The following TMOD1 variants were observed in gnomAD, a reference collection of about 807,000 sequenced individuals.
TMOD1 encodes the protein tropomodulin 1.
TMOD1 carries 17 observed loss-of-function variants against 40.6 expected under a neutral mutation model. That is an observed-to-expected ratio of 0.42 (90% CI 0.29 to 0.63). The LOEUF (loss-of-function observed/expected upper bound fraction) is 0.63. Among genes scored for constraint, TMOD1 ranks in the 20% least tolerant of loss-of-function variants. The pLI is 0.22. For synonymous variants in TMOD1, 181 were observed against 175.0 expected (o/e 1.03, Z -0.27); for missense variants, 391 against 447.6 (o/e 0.87, Z 1.14).
chr9:97,546,579 CT>C (rs559304082), intron 3 of TMOD1, among the ~76,000 whole-genome samples: 29 of 152,278 alleles, frequency 1.9e-4, no homozygotes, highest in African/African-American at 7.0e-4. Flanking sequence ...ATCAGCAAAA[CT>C]TTTCCCTAAA....
At chr9:97,590,620 T>TG (rs112209694) in intron 8 of TMOD1, among the ~76,000 whole-genome samples, 8 of 150,872 alleles carry the variant, frequency 5.3e-5, no homozygotes, top group Non-Finnish European at 8.8e-5. Context: ...TGGGTCTTTC[T>TG]GTTTTTTTTT....
At chr9:97,555,011 A>T (rs1830514607) in intron 4 of TMOD1, among the ~76,000 whole-genome samples, 1 of 152,056 alleles carries the variant, frequency 6.6e-6, no homozygotes, top group Admixed American at 6.5e-5. Flanking sequence ...GGAGACAGGG[A>T]ATTTGAAGGA....
intron 7 of TMOD1, among the ~76,000 whole-genome samples, chr9:97,566,708 A>G (rs1244165872): frequency 3.3e-5 from 5 of 152,172 alleles, no homozygotes; most frequent in Non-Finnish European, 7.3e-5. Flanking sequence ...TTAAAAAAAT[A>G]AAAATGATGG....
At chr9:97,578,058 T>G (rs984248870) in intron 8 of TMOD1, among the ~76,000 whole-genome samples, 2 of 152,102 alleles carry the variant, frequency 1.3e-5, no homozygotes, top group Admixed American at 6.5e-5. Flanking sequence ...GAAGCTTCTT[T>G]GACATCTCTT....
At chr9:97,549,128 C>A (rs1383342899) in intron 3 of TMOD1, among the ~76,000 whole-genome samples, 2 of 152,210 alleles carry the variant, frequency 1.3e-5, no homozygotes, top group Non-Finnish European at 2.9e-5. Flanking sequence ...AGGATGTTTT[C>A]ATTAGAATTA....
intron 8 of TMOD1, among the ~76,000 whole-genome samples, chr9:97,579,690 AGTAGCTACT>A (rs1825700484): frequency 6.6e-6 from 1 of 152,228 alleles, no homozygotes; most frequent in Non-Finnish European, 1.5e-5. Flanking sequence ...ACATGTGGCT[AGTAGCTACT>A]GTAGCTACTG....
chr9:97,580,873 A>G (rs1192637206), intron 8 of TMOD1, among the ~76,000 whole-genome samples: 1 of 151,284 alleles, frequency 6.6e-6, no homozygotes, highest in Non-Finnish European at 1.5e-5. Context: ...ATATTTTGTC[A>G]TTTAAAGAAT....
intron 8 of TMOD1, among the ~76,000 whole-genome samples, chr9:97,575,057 C>T (rs894197726): frequency 1.3e-5 from 2 of 152,236 alleles, no homozygotes; most frequent in African/African-American, 4.8e-5. Context: ...CGCTCGGGTC[C>T]ACTTCCGCAC....
intron 7 of TMOD1, among the ~76,000 whole-genome samples, chr9:97,567,573 C>T (rs1830747492): frequency 6.6e-6 from 1 of 152,228 alleles, no homozygotes; most frequent in Non-Finnish European, 1.5e-5. Flanking sequence ...TAGCAGGTTG[C>T]CTACTGGTTG....
intron 1 of TMOD1, among the ~76,000 whole-genome samples, chr9:97,511,126 T>C (rs1388257132): frequency 4.1e-5 from 4 of 97,872 alleles, no homozygotes. Flanking sequence ...TTTTCCAATT[T>C]AAACCACTTG....
At chr9:97,587,115 C>G (rs1459803210) in intron 8 of TMOD1, among the ~76,000 whole-genome samples, 1 of 152,186 alleles carries the variant, frequency 6.6e-6, no homozygotes, top group Non-Finnish European at 1.5e-5. Flanking sequence ...GAGTAGTATT[C>G]CATGGTGTGG....
intron 3 of TMOD1, 46 bp from the exon 4 acceptor site, chr9:97,553,235 G>A: frequency 6.2e-7 from 1 of 1,611,772 alleles, no homozygotes; most frequent in Non-Finnish European, 8.5e-7. Context: ...ACCAGAGGCT[G>A]TTCCATTGCA....
Position 97,563,547 on chromosome 9 carries a change from G to A in TMOD1, c.488-491G>A, listed in dbSNP as rs1648526183. Among the ~76,000 whole-genome samples, 3 of 152,076 alleles carry A rather than the reference G, an allele frequency of 2.0e-5. No individual in the cohort carries two copies. The South Asian group carries it at 6.2e-4, about 32-fold the overall frequency. On this transcript the variant is annotated intron_variant, in intron 5 of 9. Transcript: ENST00000259365. ...TTTCTAGGTGCCTCCTCTGTTTCAT[G>A]AGCCCTTTTGTCCTTTCCTGTGCCA...
intron 3 of TMOD1, among the ~76,000 whole-genome samples, chr9:97,550,992 T>TATA (rs1830441669): frequency 1.0e-5 from 1 of 96,380 alleles, no homozygotes; most frequent in African/African-American, 4.8e-5. Flanking sequence ...TCTAAGAATT[T>TATA]TATATATATA....
At chr9:97,576,593 A>C (rs537046729) in intron 8 of TMOD1, among the ~76,000 whole-genome samples, 2 of 152,228 alleles carry the variant, frequency 1.3e-5, no homozygotes, top group South Asian at 4.1e-4. Context: ...CATATACTTC[A>C]TGCATAGAAA....
chr9:97,521,119 G>C (rs974221410), intron 1 of TMOD1, among the ~76,000 whole-genome samples: 2 of 152,200 alleles, frequency 1.3e-5, no homozygotes, highest in African/African-American at 2.4e-5. Context: ...GTCCCTTCTT[G>C]TGTGGTTCTG....
At chr9:97,531,042 C>CT (rs1003133786) in intron 2 of TMOD1, among the ~76,000 whole-genome samples, 4 of 138,424 alleles carry the variant, frequency 2.9e-5, no homozygotes, top group African/African-American at 1.1e-4. Context: ...CACCCACCCC[C>CT]CCCACCACCC....
intron 9 of TMOD1, among the ~76,000 whole-genome samples, chr9:97,597,867 C>A (rs1826148224): frequency 6.6e-6 from 1 of 152,028 alleles, no homozygotes; most frequent in Non-Finnish European, 1.5e-5. Context: ...GGATTTCAGT[C>A]CTGGCTCTGC....
At chr9:97,530,459 A>G (rs1030192313) in intron 2 of TMOD1, among the ~76,000 whole-genome samples, 5 of 152,074 alleles carry the variant, frequency 3.3e-5, no homozygotes, top group African/African-American at 1.2e-4. Context: ...CAAAGCCTGA[A>G]TAATAATAAC....
Sources: allele counts gnomAD v4.1 joint callset (sites outside exome capture counted in the v4.1 genomes callset), GRCh38; gene constraint gnomAD v4.1.1; transcripts MANE v1.5; gene names NCBI Gene and HGNC (gene_info 2026-07-23, HGNC 2026-07-21).